PEBP4: variants seen among roughly 807,000 people sequenced by gnomAD.
PEBP4 encodes the protein phosphatidylethanolamine-binding protein 4.
In PEBP4, 22 loss-of-function variants were observed where a neutral mutation model predicts 23.9. The observed-to-expected ratio is 0.92, with a 90% CI of 0.66 to 1.31. PEBP4 has a LOEUF of 1.31. Among genes scored for constraint, PEBP4 ranks in the 40% most tolerant of loss-of-function variants. PEBP4 has a pLI of 0.00. For missense variants in PEBP4, 324 were observed against 281.7 expected, an observed-to-expected ratio of 1.15 and a Z score of -1.07; for synonymous variants, 112 against 99.3, an observed-to-expected ratio of 1.13 and a Z score of -0.76.
chr8:22,759,491 C>G (rs1563207188), intron 4 of PEBP4, among the ~76,000 whole-genome samples: 1 of 152,122 alleles, frequency 6.6e-6, no homozygotes, highest in Non-Finnish European at 1.5e-5. Flanking sequence ...ATCCTCTCAA[C>G]AAGCCTCTGC....
At chr8:22,802,120 T>C (rs1261574463) in intron 4 of PEBP4, among the ~76,000 whole-genome samples, 1 of 152,164 alleles carries the variant, frequency 6.6e-6, no homozygotes, top group Non-Finnish European at 1.5e-5. Context: ...CGCTCCGGAC[T>C]GTGGGTTCCT....
chr8:22,850,277 G>A (rs1390676784), intron 3 of PEBP4, among the ~76,000 whole-genome samples: 3 of 152,182 alleles, frequency 2.0e-5, no homozygotes, highest in South Asian at 4.1e-4. Flanking sequence ...AATGGAAAAG[G>A]TGAACAGGCA....
intron 3 of PEBP4, among the ~76,000 whole-genome samples, chr8:22,827,543 G>A (rs1276417188): frequency 6.6e-6 from 1 of 151,986 alleles, no homozygotes; most frequent in Non-Finnish European, 1.5e-5. Flanking sequence ...TGTTTTTGAG[G>A]TTCATCCATG....
At chr8:22,830,182 T>C (rs1286315451) in intron 3 of PEBP4, among the ~76,000 whole-genome samples, 1 of 150,236 alleles carries the variant, frequency 6.7e-6, no homozygotes, top group South Asian at 2.1e-4. Flanking sequence ...CAGGCTGGAG[T>C]GTAGTGGTGC....
In PEBP4 at chr8:22,925,318, A is replaced by T. The variant is rs1351552240; in HGVS notation, c.131+2266T>A. ...CCTGAGAATGGGCCCCCTTGACTCG[A>T]GTCTGGGAGCCCTGAACCTGGGGTG... On this transcript the variant is annotated intron_variant, in intron 2 of 6. Coordinates refer to ENST00000256404, the MANE Select transcript of PEBP4 (RefSeq NM_144962.3). The T allele has an allele frequency of 5.1e-6, 5 of 985,220 alleles. No homozygotes were observed. The African/African-American group carries it at 7.0e-5, about 14-fold the overall frequency. 61.0% of individuals were successfully genotyped at this position (985,220 alleles called of 1,614,324 possible). A position where few individuals can be genotyped will look rare whatever the true frequency, so the allele number is the denominator to read the frequency against.
chr8:22,879,696 C>T (rs986346405), intron 3 of PEBP4, among the ~76,000 whole-genome samples: 14 of 152,030 alleles, frequency 9.2e-5, no homozygotes, highest in East Asian at 3.9e-4. Flanking sequence ...TGCTTCACAC[C>T]GGGGGAGGTG....
At chr8:22,720,966 C>T (rs532999393) in intron 6 of PEBP4, among the ~76,000 whole-genome samples, 8 of 152,238 alleles carry the variant, frequency 5.3e-5, no homozygotes, top group Admixed American at 2.0e-4. Context: ...TTATGCCAGG[C>T]GTGGTTTGAA....
At chr8:22,729,446 C>G (rs781676289) in intron 4 of PEBP4, among the ~76,000 whole-genome samples, 3 of 152,230 alleles carry the variant, frequency 2.0e-5, no homozygotes, top group Non-Finnish European at 4.4e-5. Flanking sequence ...GGCAAGGGAG[C>G]AGGCAAGGGT....
chr8:22,937,807 TG>T, intron 1 of PEBP4, among the ~76,000 whole-genome samples: 1 of 150,940 alleles, frequency 6.6e-6, no homozygotes, highest in Non-Finnish European at 1.5e-5. Context: ...TATGTGTGTG[TG>T]TGTGTGTGTG....
intron 4 of PEBP4, among the ~76,000 whole-genome samples, chr8:22,787,640 G>C (rs997343333): frequency 1.3e-5 from 2 of 152,184 alleles, no homozygotes; most frequent in African/African-American, 2.4e-5. Context: ...ACTTGTTGGG[G>C]GTAAGGCCAA....
At chr8:22,907,535 A>AAG (rs1011796572) in intron 3 of PEBP4, among the ~76,000 whole-genome samples, 3 of 151,674 alleles carry the variant, frequency 2.0e-5, no homozygotes, top group South Asian at 2.1e-4. Context: ...AAGAGAGAAA[A>AAG]AGAGAGAGAG....
chr8:22,806,289 C>T (rs554926439), intron 4 of PEBP4, among the ~76,000 whole-genome samples: 31 of 152,200 alleles, frequency 2.0e-4, no homozygotes, highest in African/African-American at 7.5e-4. Flanking sequence ...GAAACTTTGA[C>T]CTAAAATTTG....
intron 2 of PEBP4, among the ~76,000 whole-genome samples, chr8:22,927,351 G>A (rs1407471677): frequency 6.6e-6 from 1 of 152,096 alleles, no homozygotes; most frequent in African/African-American, 2.4e-5. Flanking sequence ...CACATACACA[G>A]CCCTCCTGGT....
chr8:22,914,307 G>A (rs953278526), intron 3 of PEBP4, among the ~76,000 whole-genome samples: 1 of 151,966 alleles, frequency 6.6e-6, no homozygotes, highest in African/African-American at 2.4e-5. Flanking sequence ...TTGTAGAGAT[G>A]GGGTCTCTAA....
intron 1 of PEBP4, among the ~76,000 whole-genome samples, chr8:22,935,218 C>T (rs905594719): frequency 1.3e-5 from 2 of 152,108 alleles, no homozygotes; most frequent in African/African-American, 4.8e-5. Flanking sequence ...GGCAGAAGAC[C>T]AATTAAAGAA....
intron 4 of PEBP4, among the ~76,000 whole-genome samples, chr8:22,772,424 C>T (rs754645015): frequency 2.0e-5 from 3 of 151,628 alleles, no homozygotes; most frequent in African/African-American, 4.8e-5. Context: ...CCATTATATA[C>T]CTTATTTTAT....
chr8:22,776,565 C>T (rs1805818667), intron 4 of PEBP4, among the ~76,000 whole-genome samples: 1 of 151,888 alleles, frequency 6.6e-6, no homozygotes, highest in African/African-American at 2.4e-5. Context: ...ATCCTCCTCC[C>T]ACGGGTTTCT....
chr8:22,918,533 G>C (rs1809127679), intron 3 of PEBP4, among the ~76,000 whole-genome samples: 1 of 152,162 alleles, frequency 6.6e-6, no homozygotes, highest in African/African-American at 2.4e-5. Flanking sequence ...TCAAATCCCT[G>C]CTCTGGAGGA....
At chr8:22,864,314 G>A (rs971698515) in intron 3 of PEBP4, among the ~76,000 whole-genome samples, 2 of 152,036 alleles carry the variant, frequency 1.3e-5, no homozygotes, top group African/African-American at 4.8e-5. Context: ...TAACATTCTC[G>A]GCAGAAACAG....
Sources: gnomAD v4.1 joint callset for allele counts (sites outside exome capture counted in the v4.1 genomes callset) on GRCh38, gnomAD v4.1.1 for gene constraint, MANE v1.5 for transcripts, NCBI Gene and HGNC (gene_info 2026-07-23, HGNC 2026-07-21) for gene names.